The following NOS3 variants were observed in gnomAD, a reference collection of about 807,000 sequenced individuals.
NOS3 encodes nitric oxide synthase 3, also known as NOS type III.
NOS3 carries 98 observed loss-of-function variants against 144.9 expected under a neutral mutation model. The observed-to-expected ratio is 0.68, with a 90% CI of 0.57 to 0.80. The LOEUF is 0.80. NOS3 is among the 30% of genes least tolerant of loss of function. The pLI is 0.00. For missense variants in NOS3, 1,465 were observed against 1,656.4 expected, an observed-to-expected ratio of 0.88 and a Z score of 2.01; for synonymous variants, 714 against 702.4, an observed-to-expected ratio of 1.02 and a Z score of -0.26.
In NOS3 at chr7:150,993,633, G is replaced by A. The variant is rs529222172; in HGVS notation, c.-51-120G>A. The A allele has an allele frequency of 1.6e-6, 1 of 644,122 alleles. No individual in the cohort carries two copies. Among genetic ancestry groups the A allele is most frequent in the East Asian group, 3.1e-5 (1 of 32,406 alleles). The allele number at this position is 644,122 out of a possible 1,614,324, so 39.9% of individuals were successfully genotyped here. A position where few individuals can be genotyped will look rare whatever the true frequency, so the allele number is the denominator to read the frequency against. The stretch of plus-strand genomic sequence containing the variant: ...CAGCGGGCGTGGAGCTGAGGCTTTA[G>A]AGCCTCCCAGCCGGGCTTGTTCCTG... On this transcript the variant is annotated intron_variant, in intron 1 of 26. Transcript: ENST00000297494. The surrounding 1 kb of genome is among the most constrained non-coding windows in gnomAD (Gnocchi z 4.0).
At chr7:150,996,291 C>T (rs1257556274) in intron 3 of NOS3, 113 bp from the exon 4 acceptor site, 1 of 186,406 alleles carries the variant, frequency 5.4e-6, no homozygotes, top group Non-Finnish European at 8.6e-6. Flanking sequence ...CCCACCACTG[C>T]ACCCCTCCTC....
intron 23 of NOS3, 166 bp from the exon 24 acceptor site, chr7:151,012,185 T>G: frequency 1.7e-6 from 1 of 587,344 alleles, no homozygotes; most frequent in Admixed American, 3.0e-5. Flanking sequence ...AAACCACAGA[T>G]CCAAGGAGTT....
chr7:150,996,787 G>T lies in NOS3; in HGVS notation c.444G>T (p.Gln148His), dbSNP rs1490959439. ...GGAGCGGCTCCCAGGCCCACGAACAGCGGCTTCAAGAGGTGGAAGCCGAGG... is the reference window on the plus strand; with the variant it reads ...GGAGCGGCTCCCAGGCCCACGAACATCGGCTTCAAGAGGTGGAAGCCGAGG... ...IKRSGSQAHEQRLQEVEAEVA... is the reference protein window; with the variant it reads ...IKRSGSQAHEHRLQEVEAEVA... The change falls in exon 5 of 27, where the codon CAG (glutamine) becomes CAT (histidine). Residue 148 changes from glutamine to histidine, a missense_variant. Gln to His is a conservative substitution (Grantham distance 24). This residue lies in a region of NOS3 where 374 missense variants were observed against 377.0 expected (regional missense o/e 0.99). Coordinates refer to ENST00000297494, the MANE Select transcript of NOS3 (RefSeq NM_000603.5). The T allele has an allele frequency of 1.2e-6, 2 of 1,611,466 alleles. No individual in the cohort carries two copies. The highest frequency in any genetic ancestry group is 1.7e-5 in the Admixed American group (1 of 59,968).
At chr7:150,994,065 A>G in intron 2 of NOS3, 104 bp downstream of exon 2, 1 of 1,281,412 alleles carries the variant, frequency 7.8e-7, no homozygotes, top group African/African-American at 1.5e-5. Flanking sequence ...CGGGAGGGCC[A>G]GGTCACAAAT....
rs746179519 is a variant in NOS3 at position 150,996,397 on chromosome 7, G to A, written c.271-7G>A. ...CCTGTCCTGACCTTTGCACTCCCTC[G>A]ACCCAGGATGGGCCCTGCACCCCAA... On this transcript the variant is annotated splice_region_variant and splice_polypyrimidine_tract_variant and intron_variant, in intron 3 of 26. Coordinates refer to ENST00000297494, the MANE Select transcript of NOS3 (RefSeq NM_000603.5). 35 of 1,226,748 alleles carry A rather than the reference G, an allele frequency of 2.9e-5. No individual in the cohort carries two copies. The highest frequency in any genetic ancestry group is 7.7e-5 in the South Asian group (6 of 78,054). The allele number at this position is 1,226,748 out of a possible 1,614,324, so 76.0% of individuals were successfully genotyped here.
rs773831617 is a variant in NOS3, at chr7:151,007,171, A to G, written c.2007A>G (p.Thr669=). Residue 669 remains threonine, a synonymous_variant, in exon 17 of 27, where the codon ACA becomes ACG. Transcript: ENST00000297494. ...GCGCCTTTGCTCGTGCCGTGGACAC[A>G]CGGCTGGAGGAACTGGGCGGGGAGC... ...HFCAFARAVD[T]RLEELGGERL... The G allele has an allele frequency of 1.2e-6, 2 of 1,613,728 alleles. No homozygotes were observed. The highest frequency in any genetic ancestry group is 2.2e-5 in the East Asian group (1 of 44,862).
chr7:150,994,834 TCCCTGCAGGGCTTC>T (rs1802333721), intron 2 of NOS3, among the ~76,000 whole-genome samples: 2 of 152,124 alleles, frequency 1.3e-5, no homozygotes. Context: ...AGCTGAGGAA[TCCCTGCAGGGCTTC>T]CCTCCACTCA....
In NOS3 at chr7:151,010,591, C is replaced by A. The variant is rs376535468; in HGVS notation, c.2686-6C>A. On this transcript the variant is annotated splice_polypyrimidine_tract_variant and splice_region_variant and intron_variant, in intron 21 of 26. Transcript: ENST00000297494. Reference sequence around the variant, plus strand: ...GCCTCCAACCCACTGCATCCTGCCCCGCCAGGATCCCCGACGCTACGAGGA... The same window carrying A: ...GCCTCCAACCCACTGCATCCTGCCCAGCCAGGATCCCCGACGCTACGAGGA... 2.5e-6 allele frequency: 4 copies of A among 1,572,242 alleles called. No individual in the cohort carries two copies. Among genetic ancestry groups the A allele is most frequent in the South Asian group, 2.3e-5 (2 of 85,160 alleles).
chr7:151,013,748 A>ACGGAGCTGGCTGCGGAGGTGCAC lies in NOS3; in HGVS notation c.3283_3305dup (p.Val1103SerfsTer75). 1 of 1,610,320 alleles carries ACGGAGCTGGCTGCGGAGGTGCAC rather than the reference A, an allele frequency of 6.2e-7. No individual in the cohort carries two copies. Among genetic ancestry groups the ACGGAGCTGGCTGCGGAGGTGCAC allele is most frequent in the South Asian group, 1.1e-5 (1 of 90,542 alleles). ...GACCTACGTGCAGGACATCCTGAGG[A>ACGGAGCTGGCTGCGGAGGTGCAC]CGGAGCTGGCTGCGGAGGTGCACCG... On this transcript the variant is annotated frameshift_variant, in exon 26 of 27. Transcript: ENST00000297494. LOFTEE classifies it high-confidence loss of function.
chr7:150,995,098 G>A (rs114144563), intron 2 of NOS3, 105 bp from the exon 3 acceptor site: 28 of 610,592 alleles, frequency 4.6e-5, no homozygotes, highest in South Asian at 4.4e-4. Flanking sequence ...TGCGGCAGGT[G>A]GGCTGTGAGA....
chr7:150,999,221 T>C lies in NOS3; in HGVS notation c.988T>C (p.Trp330Arg). The C allele has an allele frequency of 6.2e-7, 1 of 1,611,130 alleles. No individual in the cohort carries two copies. The highest frequency in any genetic ancestry group is 8.5e-7 in the Non-Finnish European group (1 of 1,179,324). ...GTGGTTTGCAGCCCTGGGCCTGCGC[T>C]GGTACGCCCTCCCGGCAGTGTCCAA... Reference protein sequence around the residue: ...LEWFAALGLRWYALPAVSNML... With the variant: ...LEWFAALGLRRYALPAVSNML... The change falls in exon 9 of 27, where the codon TGG becomes CGG. Residue 330 changes from tryptophan (W) to arginine (R), a missense_variant. Transcript: ENST00000297494.
chr7:151,011,691 A>G (rs1015316630), intron 23 of NOS3: 2 of 234,408 alleles, frequency 8.5e-6, no homozygotes, highest in Admixed American at 5.8e-5. Flanking sequence ...ACGCCCAGCT[A>G]ATTTTTGTAT....
intron 23 of NOS3, 114 bp from the exon 24 acceptor site, chr7:151,012,237 A>ATTT: frequency 2.0e-5 from 16 of 803,782 alleles, no homozygotes; most frequent in Admixed American, 3.5e-5. Flanking sequence ...TTTTTTTTTA[A>ATTT]TTTTTTTTTG....
intron 20 of NOS3, 82 bp from the exon 21 acceptor site, chr7:151,010,033 A>G: frequency 5.7e-6 from 5 of 884,870 alleles, no homozygotes; most frequent in Non-Finnish European, 5.5e-6. Context: ...GCTCTCTAAC[A>G]GTCACCAAAA....
intron 9 of NOS3, among the ~76,000 whole-genome samples, chr7:151,000,149 G>A (rs926130828): frequency 1.4e-5 from 2 of 146,220 alleles, no homozygotes; most frequent in Admixed American, 1.4e-4. Context: ...GGTGAGGGGG[G>A]CATGGGGATG....
intron 2 of NOS3, 103 bp downstream of exon 2, chr7:150,994,064 C>A: frequency 7.7e-7 from 1 of 1,296,522 alleles, no homozygotes; most frequent in Non-Finnish European, 1.1e-6. Context: ...TCGGGAGGGC[C>A]AGGTCACAAA....
intron 3 of NOS3, among the ~76,000 whole-genome samples, 194 bp downstream of exon 3, chr7:150,995,508 T>C (rs1802358173): frequency 6.7e-6 from 1 of 148,640 alleles, no homozygotes; most frequent in South Asian, 2.1e-4. Context: ...GCCTCCAGCC[T>C]TACCCCCAAC....
chr7:150,997,643 C>A (rs1377972059), intron 5 of NOS3, among the ~76,000 whole-genome samples: 2 of 152,184 alleles, frequency 1.3e-5, no homozygotes, highest in African/African-American at 4.8e-5. Context: ...AAGCCACGTG[C>A]CCAGTGAATC....
Position 151,000,459 on chromosome 7 carries a change from C to T in NOS3, c.1132-39C>T, listed in dbSNP as rs41385244. 260 of 1,302,066 alleles carry T rather than the reference C, an allele frequency of 2.0e-4. 1 individual carries two copies. In the African/African-American group the frequency reaches 3.3e-3, roughly 17 times the overall value. 80.7% of individuals were successfully genotyped at this position (1,302,066 alleles called of 1,614,324 possible). On this transcript the variant is annotated intron_variant, in intron 9 of 26. Transcript: ENST00000297494. Reference sequence around the variant, plus strand: ...TCTCCCCACCCCACCCCCGTGATCACCTCTGTCCCTACCGATGCCACACAC... The same window carrying T: ...TCTCCCCACCCCACCCCCGTGATCATCTCTGTCCCTACCGATGCCACACAC...
Sources: gnomAD v4.1 joint callset for allele counts (sites outside exome capture counted in the v4.1 genomes callset) on GRCh38, gnomAD v4.1.1 for gene constraint, gnomAD v4.1.1 regional missense constraint, Gnocchi (gnomAD v3.1) non-coding constraint, MANE v1.5 for transcripts, NCBI Gene and HGNC (gene_info 2026-07-23, HGNC 2026-07-21) for gene names.